DNAI7: variants seen among roughly 807,000 people sequenced by gnomAD.
The protein encoded by DNAI7 is dynein axonemal intermediate chain 7.
DNAI7 carries 78 observed loss-of-function variants against 86.6 expected under a neutral mutation model. That is an observed-to-expected ratio of 0.90 (90% CI 0.75 to 1.09). The LOEUF is 1.09. DNAI7 is among the 50% of genes least tolerant of loss of function. The probability of loss-of-function intolerance (pLI) is 0.00; values close to 1 mark genes in which losing one functional copy is unlikely to be tolerated. For missense variants in DNAI7, 753 were observed against 810.2 expected (o/e 0.93, Z 0.86); for synonymous variants, 274 against 273.0 (o/e 1.00, Z -0.04).
chr12:25,150,224 T>C (rs1945331706), intron 6 of DNAI7, among the ~76,000 whole-genome samples: 1 of 152,194 alleles, frequency 6.6e-6, no homozygotes, highest in Admixed American at 6.5e-5. Flanking sequence ...GCCAAAGTAT[T>C]TGACCTCTGA....
chr12:25,154,881 T>G (rs1945970431), intron 5 of DNAI7, among the ~76,000 whole-genome samples: 1 of 152,212 alleles, frequency 6.6e-6, no homozygotes, highest in Non-Finnish European at 1.5e-5. Flanking sequence ...AATTTCACAT[T>G]TGTAATCATA....
At chr12:25,142,359 G>A (rs1944307325) in intron 9 of DNAI7, among the ~76,000 whole-genome samples, 1 of 152,018 alleles carries the variant, frequency 6.6e-6, no homozygotes, top group African/African-American at 2.4e-5. Context: ...GGGTGGGAGG[G>A]GGATGAGGGA....
intron 2 of DNAI7, among the ~76,000 whole-genome samples, chr12:25,166,684 T>C (rs1947514765): frequency 6.6e-6 from 1 of 152,152 alleles, no homozygotes; most frequent in African/African-American, 2.4e-5. Flanking sequence ...TTCCTAGGCA[T>C]GGTTAGTGTG....
At position 25,175,898 on chromosome 12, in the gene DNAI7, T is replaced by C. The variant is rs1176574601; in HGVS notation, c.22-14701A>G. ...TTTGAGACCAGCCTGGCCAACATGG[T>C]GAAACCCCATCTCTACTAAAAAATA... On this transcript the variant is annotated intron_variant, in intron 2 of 15. Coordinates refer to ENST00000395987, the MANE Select transcript of DNAI7 (RefSeq NM_018272.5). Among the ~76,000 whole-genome samples the C allele has an allele frequency of 3.3e-5, 5 of 151,606 alleles. No individual in the cohort carries two copies. In the East Asian group the frequency reaches 9.8e-4, roughly 30 times the overall value.
At chr12:25,126,985 G>C (rs1942221304) in intron 9 of DNAI7, among the ~76,000 whole-genome samples, 1 of 152,084 alleles carries the variant, frequency 6.6e-6, no homozygotes, top group Admixed American at 6.6e-5. Flanking sequence ...TGCAACAACA[G>C]GAATTTATCA....
At chr12:25,194,778 A>G (rs2059408656) in intron 1 of DNAI7, 1 of 1,120,280 alleles carries the variant, frequency 8.9e-7, no homozygotes, top group East Asian at 2.4e-5. Flanking sequence ...CACTACTGAA[A>G]GTTACTAGGT....
chr12:25,162,376 T>C (rs1946932891), intron 2 of DNAI7, among the ~76,000 whole-genome samples: 1 of 152,208 alleles, frequency 6.6e-6, no homozygotes, highest in Non-Finnish European at 1.5e-5. Context: ...TGGTAGATCA[T>C]TCAGGCAATT....
chr12:25,143,246 ATTT>A (rs56888487), intron 9 of DNAI7, among the ~76,000 whole-genome samples: 46,361 of 130,164 alleles, frequency 0.36, 7,836 homozygotes, highest in East Asian at 0.7. Flanking sequence ...AGTCTTCATA[ATTT>A]TTTTTTTTTT....
At chr12:25,129,383 C>G (rs1291536882) in intron 9 of DNAI7, among the ~76,000 whole-genome samples, 2 of 152,066 alleles carry the variant, frequency 1.3e-5, no homozygotes, top group African/African-American at 4.8e-5. Context: ...TGGTGCCTAC[C>G]ACATAGAGGT....
intron 6 of DNAI7, among the ~76,000 whole-genome samples, chr12:25,152,805 T>C (rs11047864): frequency 0.68 from 104,043 of 152,148 alleles, 39,664 homozygotes; most frequent in East Asian, 0.99. Context: ...AGTAGGAATC[T>C]GGAGAGTTGG....
intron 6 of DNAI7, among the ~76,000 whole-genome samples, chr12:25,152,510 C>A (rs117259273): frequency 6.6e-6 from 1 of 152,236 alleles, no homozygotes; most frequent in Non-Finnish European, 1.5e-5. Context: ...CTCCTCCCTA[C>A]GGACCTCACC....
chr12:25,121,884 C>G lies in DNAI7; in HGVS notation c.1108G>C (p.Glu370Gln). 3 of 1,589,970 alleles carry G rather than the reference C, an allele frequency of 1.9e-6. No homozygotes were observed. The highest frequency in any genetic ancestry group is 2.6e-6 in the Non-Finnish European group (3 of 1,173,974). Residue 370 changes from glutamate to glutamine, a missense_variant, in exon 11 of 16, where the codon GAA becomes CAA. Transcript: ENST00000395987. ...AQLLLVENSS[E>Q]KPDFFEDNVV... ...TTGTCTTCAAAGAAATCTGGCTTTT[C>G]AGAAGAATTCTCTACCAGCAACAAC...
intron 6 of DNAI7, among the ~76,000 whole-genome samples, chr12:25,152,808 A>G (rs1358592975): frequency 1.3e-5 from 2 of 152,164 alleles, no homozygotes; most frequent in African/African-American, 4.8e-5. Flanking sequence ...AGGAATCTGG[A>G]GAGTTGGATA....
At chr12:25,129,768 T>C (rs201662162) in intron 9 of DNAI7, among the ~76,000 whole-genome samples, 12 of 15,964 alleles carry the variant, frequency 7.5e-4, no homozygotes, top group Admixed American at 1.6e-3. Flanking sequence ...TTTATTTTTA[T>C]TTTTTTTTTT....
intron 2 of DNAI7, among the ~76,000 whole-genome samples, chr12:25,161,406 T>A (rs962531781): frequency 3.3e-5 from 5 of 152,186 alleles, no homozygotes; most frequent in African/African-American, 1.2e-4. Flanking sequence ...AATAAGAATA[T>A]AAATTATTCA....
At chr12:25,124,854 C>T (rs183068883) in intron 9 of DNAI7, among the ~76,000 whole-genome samples, 6 of 152,232 alleles carry the variant, frequency 3.9e-5, no homozygotes, top group Admixed American at 1.3e-4. Flanking sequence ...CTCCCACTTA[C>T]AAGTGAGAAT....
chr12:25,183,815 C>A (rs1949782773), intron 2 of DNAI7, among the ~76,000 whole-genome samples: 1 of 152,010 alleles, frequency 6.6e-6, no homozygotes, highest in Non-Finnish European at 1.5e-5. Context: ...ATTTATATTC[C>A]ATGTATTTAC....
At chr12:25,158,448 A>T in intron 4 of DNAI7, 24 bp downstream of exon 4, 2 of 1,554,490 alleles carry the variant, frequency 1.3e-6, no homozygotes, top group Non-Finnish European at 1.8e-6. Flanking sequence ...GTATTCATTA[A>T]GAACATTATT....
intron 9 of DNAI7, among the ~76,000 whole-genome samples, chr12:25,135,571 C>G (rs1943446367): frequency 6.6e-6 from 1 of 152,116 alleles, no homozygotes. Flanking sequence ...AGCAAAAGCC[C>G]TGTTTACTTT....
Sources: allele counts gnomAD v4.1 joint callset (sites outside exome capture counted in the v4.1 genomes callset), GRCh38; gene constraint gnomAD v4.1.1; transcripts MANE v1.5; gene names NCBI Gene and HGNC (gene_info 2026-07-23, HGNC 2026-07-21).